The following WDFY1 variants were observed in gnomAD, a reference collection of about 807,000 sequenced individuals.
The protein encoded by WDFY1 is WD repeat and FYVE domain-containing protein 1.
In WDFY1, 32 loss-of-function variants were observed where a neutral mutation model predicts 56.4. The ratio of observed to expected loss-of-function variants is 0.57; its 90% CI spans 0.43 to 0.76. The LOEUF is 0.76. WDFY1 is among the 30% of genes least tolerant of loss of function. WDFY1 has a pLI of 0.00. For missense variants in WDFY1, 480 were observed against 545.7 expected (o/e 0.88, Z 1.20); for synonymous variants, 192 against 197.3 (o/e 0.97, Z 0.23).
intron 1 of WDFY1, among the ~76,000 whole-genome samples, chr2:223,932,029 C>T (rs887424113): frequency 2.0e-5 from 3 of 150,000 alleles, no homozygotes; most frequent in African/African-American, 4.9e-5. Flanking sequence ...AGAAAGGGCA[C>T]TGGAAATATT....
At chr2:223,895,436 T>C (rs1693348166) in intron 7 of WDFY1, 68 bp downstream of exon 7, 1 of 1,610,570 alleles carries the variant, frequency 6.2e-7, no homozygotes, top group Non-Finnish European at 8.5e-7. Flanking sequence ...GGTATCAGAC[T>C]ATTAATGCCT....
chr2:223,915,253 G>A (rs558690288), intron 2 of WDFY1, among the ~76,000 whole-genome samples: 2 of 152,302 alleles, frequency 1.3e-5, no homozygotes, highest in East Asian at 1.9e-4. Flanking sequence ...TGTAGGTGTC[G>A]ACCACCCACT....
At chr2:223,943,981 T>C (rs1002560669) in intron 1 of WDFY1, among the ~76,000 whole-genome samples, 3 of 152,270 alleles carry the variant, frequency 2.0e-5, no homozygotes, top group African/African-American at 4.8e-5. Flanking sequence ...CCAATTAACA[T>C]GTTTTAGTTA....
At chr2:223,933,881 G>T (rs1312496203) in intron 1 of WDFY1, among the ~76,000 whole-genome samples, 4 of 138,822 alleles carry the variant, frequency 2.9e-5, no homozygotes, top group African/African-American at 1.1e-4. Context: ...AGGATCGTTT[G>T]AGCCCAGGAG....
intron 8 of WDFY1, among the ~76,000 whole-genome samples, chr2:223,892,726 C>T (rs1214160699): frequency 6.6e-6 from 1 of 152,160 alleles, no homozygotes; most frequent in African/African-American, 2.4e-5. Context: ...TCTGCATCAA[C>T]GCATAATGTC....
chr2:223,892,011 G>T (rs999705139), intron 8 of WDFY1, among the ~76,000 whole-genome samples: 1 of 151,954 alleles, frequency 6.6e-6, no homozygotes, highest in East Asian at 1.9e-4. Context: ...AGTTTTGCTC[G>T]TCGCCCAGGT....
intron 8 of WDFY1, among the ~76,000 whole-genome samples, chr2:223,890,901 A>G (rs1693258880): frequency 6.6e-6 from 1 of 152,188 alleles, no homozygotes; most frequent in Admixed American, 6.5e-5. Context: ...ATCCCTTCTC[A>G]TTATGATCTG....
chr2:223,919,509 C>A (rs1310994811), intron 1 of WDFY1, among the ~76,000 whole-genome samples: 1 of 152,128 alleles, frequency 6.6e-6, no homozygotes, highest in Non-Finnish European at 1.5e-5. Context: ...TCACACTCGG[C>A]CCTTATTTAT....
At position 223,905,986 on chromosome 2, in the gene WDFY1, C is replaced by G. The variant is rs769419963; in HGVS notation, c.295G>C (p.Glu99Gln). Reference protein sequence around the residue: ...NGAVMEFHVSEDFNKMNFIKT... With the variant: ...NGAVMEFHVSQDFNKMNFIKT... The stretch of plus-strand genomic sequence containing the variant: ...ATAAAGTTCATTTTATTAAAATCTT[C>G]AGAAACGTGAAATTCCTAAAAGCAA... The change falls in exon 4 of 12, where the codon GAA (glutamate) becomes CAA (glutamine). Residue 99 changes from glutamate (E) to glutamine (Q), a missense_variant. Glu to Gln is a conservative substitution (Grantham distance 29). Coordinates refer to ENST00000233055, the MANE Select transcript of WDFY1 (RefSeq NM_020830.5). 1.3e-6 allele frequency: 2 copies of G among 1,577,156 alleles called. No homozygotes were observed. Among genetic ancestry groups the G allele is most frequent in the African/African-American group, 1.4e-5 (1 of 73,154 alleles).
chr2:223,897,158 C>T (rs182323627), intron 6 of WDFY1, among the ~76,000 whole-genome samples: 5 of 151,938 alleles, frequency 3.3e-5, no homozygotes, highest in Non-Finnish European at 7.4e-5. Flanking sequence ...ACAACTGAAA[C>T]GCTTACTATG....
chr2:223,904,643 C>T (rs888458986), intron 4 of WDFY1, among the ~76,000 whole-genome samples: 2 of 151,948 alleles, frequency 1.3e-5, no homozygotes, highest in African/African-American at 4.8e-5. Flanking sequence ...ATTATTAGAC[C>T]ACATTTCACC....
chr2:223,923,518 T>G (rs1227971982), intron 1 of WDFY1, among the ~76,000 whole-genome samples: 1 of 152,118 alleles, frequency 6.6e-6, no homozygotes, highest in Non-Finnish European at 1.5e-5. Context: ...TCCCAGCACT[T>G]TGGGAGGCCG....
intron 11 of WDFY1, among the ~76,000 whole-genome samples, chr2:223,879,279 CATA>C (rs1210259983): frequency 2.0e-5 from 3 of 152,088 alleles, no homozygotes; most frequent in Non-Finnish European, 2.9e-5. Context: ...AAAATTAAAT[CATA>C]ATAATGTTTT....
intron 1 of WDFY1, among the ~76,000 whole-genome samples, chr2:223,928,040 G>A (rs536469731): frequency 1.3e-5 from 2 of 152,252 alleles, no homozygotes; most frequent in South Asian, 4.1e-4. Context: ...ATTTAAGTTT[G>A]CCATCTTATG....
intron 6 of WDFY1, among the ~76,000 whole-genome samples, chr2:223,896,147 C>A: frequency 4.0e-5 from 1 of 25,182 alleles, no homozygotes; most frequent in Admixed American, 6.9e-4. Context: ...CAGAGTGAGA[C>A]TCTGTCTCAA....
chr2:223,881,744 C>A (rs1693076762), intron 10 of WDFY1, among the ~76,000 whole-genome samples, 198 bp downstream of exon 10: 1 of 151,974 alleles, frequency 6.6e-6, no homozygotes. Context: ...GCCGAGATCA[C>A]GCCACTGCAC....
At chr2:223,905,912 G>A in intron 4 of WDFY1, 35 bp downstream of exon 4, 1 of 1,427,644 alleles carries the variant, frequency 7.0e-7, no homozygotes, top group Non-Finnish European at 9.5e-7. Flanking sequence ...ATGTCTACAT[G>A]TATGTGTACG....
In WDFY1 at chr2:223,894,255, G is replaced by A; in HGVS notation, c.810C>T (p.Asn270=). The A allele has an allele frequency of 6.2e-7, 1 of 1,614,142 alleles. No individual in the cohort carries two copies. The highest frequency in any genetic ancestry group is 8.5e-7 in the Non-Finnish European group (1 of 1,179,992). The change falls in exon 8 of 12, where the codon AAC becomes AAT. Residue 270 remains asparagine (N), a synonymous_variant. Coordinates refer to ENST00000233055, the MANE Select transcript of WDFY1 (RefSeq NM_020830.5). ...TTACCTCTTCTCTGCTAACATCCATGTTCCACACTGCAATTCCGCCGTCCG... is the reference window on the plus strand; with the variant it reads ...TTACCTCTTCTCTGCTAACATCCATATTCCACACTGCAATTCCGCCGTCCG... ...CSSDGGIAVW[N]MDVSREEAPQ... is the part of the protein sequence containing the mutation.
chr2:223,900,988 T>C (rs1574765716), intron 5 of WDFY1, 195 bp downstream of exon 5: 1 of 607,830 alleles, frequency 1.6e-6, no homozygotes, highest in South Asian at 2.4e-5. Context: ...GTGAAATATG[T>C]ATTAGGTTGG....
Sources: gnomAD v4.1 joint callset for allele counts (sites outside exome capture counted in the v4.1 genomes callset) on GRCh38, gnomAD v4.1.1 for gene constraint, MANE v1.5 for transcripts, NCBI Gene and HGNC (gene_info 2026-07-23, HGNC 2026-07-21) for gene names.